Variants in TBC1D9B observed in about 807,000 individuals in gnomAD.
The protein encoded by TBC1D9B is TBC1 domain family member 9B.
TBC1D9B carries 87 observed loss-of-function variants against 121.1 expected under a neutral mutation model. The observed-to-expected ratio is 0.72, with a 90% CI of 0.60 to 0.86. The LOEUF (loss-of-function observed/expected upper bound fraction) is 0.86. Among genes scored for constraint, TBC1D9B ranks in the 40% least tolerant of loss-of-function variants. TBC1D9B has a pLI of 0.00. For synonymous variants in TBC1D9B, 668 were observed against 670.1 expected (o/e 1.00, Z 0.05); for missense variants, 1,540 against 1,628.6 (o/e 0.95, Z 0.94).
chr5:179,899,217 A>C lies in TBC1D9B; in HGVS notation c.320T>G (p.Ile107Ser), dbSNP rs1761102873. The C allele has an allele frequency of 6.2e-7, 1 of 1,613,354 alleles. No individual in the cohort carries two copies. The highest frequency in any genetic ancestry group is 2.2e-5 in the East Asian group (1 of 44,884). Residue 107 changes from isoleucine (I) to serine (S), a missense_variant, in exon 3 of 21, where the codon ATC becomes AGC. Coordinates refer to ENST00000355235, the MANE Select transcript of TBC1D9B (RefSeq NM_015043.4). ...TLSIFDSEED[I>S]TTFVKGKIHG... ...TATCTTGCCCTTGACGAAGGTGGTGATATCTTCCTCACTGTCGAAGATGGA... is the reference window on the plus strand; with the variant it reads ...TATCTTGCCCTTGACGAAGGTGGTGCTATCTTCCTCACTGTCGAAGATGGA...
Position 179,879,612 on chromosome 5 carries a change from G to A in TBC1D9B, c.1416+16C>T, listed in dbSNP as rs373062226. On this transcript the variant is annotated intron_variant, in intron 8 of 20. Transcript: ENST00000355235. ...CGCTCTTGACGGAGGCTGGAGTGCC[G>A]GCGCTCAGGGCTCACCCCCTTGGCT... is the stretch of plus-strand genomic sequence containing the variant. 72 of 1,613,550 alleles carry A rather than the reference G, an allele frequency of 4.5e-5. No individual in the cohort carries two copies. In the African/African-American group the frequency reaches 5.5e-4, roughly 12 times the overall value.
intron 2 of TBC1D9B, among the ~76,000 whole-genome samples, chr5:179,903,341 C>T (rs1001459473): frequency 7.9e-5 from 12 of 152,246 alleles, no homozygotes; most frequent in African/African-American, 2.9e-4. Flanking sequence ...TCAGCTAGGA[C>T]TGTCATTTTC....
In TBC1D9B at chr5:179,862,337, A is replaced by C; in HGVS notation, c.*1111T>G. ...CTAACACTGGACACTGGTCAGTTTC[A>C]GCTCCTCATGCAAAGTGAGGGTATC... On this transcript the variant is annotated 3_prime_UTR_variant, in exon 21 of 21. Coordinates refer to ENST00000355235, the MANE Select transcript of TBC1D9B (RefSeq NM_015043.4). 1 of 325,988 alleles carries C rather than the reference A, an allele frequency of 3.1e-6. No individual in the cohort carries two copies. 20.2% of individuals were successfully genotyped at this position (325,988 alleles called of 1,614,324 possible).
chr5:179,877,600 G>T (rs909583010), intron 10 of TBC1D9B, among the ~76,000 whole-genome samples: 1 of 149,224 alleles, frequency 6.7e-6, no homozygotes, highest in Non-Finnish European at 1.5e-5. Context: ...GGTGGTAGAG[G>T]TTGCAGTGAG....
Position 179,874,888 on chromosome 5 carries a change from AC to A in TBC1D9B, c.2186+13del. 2.5e-6 allele frequency: 4 copies of A among 1,610,754 alleles called. No individual in the cohort carries two copies. Among genetic ancestry groups the A allele is most frequent in the Non-Finnish European group, 3.4e-6 (4 of 1,178,850 alleles). On this transcript the variant is annotated intron_variant, in intron 12 of 20. Coordinates refer to ENST00000355235, the MANE Select transcript of TBC1D9B (RefSeq NM_015043.4). The surrounding 1 kb of genome is among the most constrained non-coding windows in gnomAD (Gnocchi z 4.3). ...CTGTGAGCCCCCAGCAGGAGAAGGAACCCGGCATGTCACCTGCCCAGCATGG... is the reference window on the plus strand; with the variant it reads ...CTGTGAGCCCCCAGCAGGAGAAGGAACCGGCATGTCACCTGCCCAGCATGG...
chr5:179,870,696 G>T, intron 15 of TBC1D9B: 1 of 806,104 alleles, frequency 1.2e-6, no homozygotes, highest in Non-Finnish European at 1.9e-6. Flanking sequence ...GGAGGGGGTT[G>T]GCTGAGAGAC....
intron 3 of TBC1D9B, among the ~76,000 whole-genome samples, 180 bp from the exon 4 acceptor site, chr5:179,894,794 T>C (rs1265091810): frequency 6.6e-6 from 1 of 152,196 alleles, no homozygotes; most frequent in Non-Finnish European, 1.5e-5. Context: ...TGAGAGACGC[T>C]GCCTGTGTGA....
intron 2 of TBC1D9B, among the ~76,000 whole-genome samples, chr5:179,901,803 A>G (rs80118381): frequency 0.021 from 3,245 of 152,348 alleles, 132 homozygotes; most frequent in African/African-American, 0.073. Flanking sequence ...TGCATTAAAA[A>G]TATTAGTTAA....
At chr5:179,865,000 T>C (rs1162313281) in intron 20 of TBC1D9B, among the ~76,000 whole-genome samples, 1 of 152,196 alleles carries the variant, frequency 6.6e-6, no homozygotes, top group Admixed American at 6.5e-5. Flanking sequence ...AAAGGTAGCC[T>C]ACAAGCCTCT....
intron 2 of TBC1D9B, among the ~76,000 whole-genome samples, chr5:179,901,690 G>T (rs972226060): frequency 1.3e-5 from 2 of 152,184 alleles, no homozygotes; most frequent in Non-Finnish European, 2.9e-5. Context: ...TGGGAGGATC[G>T]CTTTAGCCAG....
Position 179,879,198 on chromosome 5 carries a change from C to T in TBC1D9B, c.1417-1G>A. 6.3e-7 allele frequency: 1 copy of T among 1,599,430 alleles called. No individual in the cohort carries two copies. Among genetic ancestry groups the T allele is most frequent in the Non-Finnish European group, 8.5e-7 (1 of 1,178,642 alleles). ...ACTCCTCTTTCATCTTCTCCTTGGCCTGAGGGAAAAGCGCATCAGGGAGCC... is the reference window on the plus strand; with the variant it reads ...ACTCCTCTTTCATCTTCTCCTTGGCTTGAGGGAAAAGCGCATCAGGGAGCC... On this transcript the variant is annotated splice_acceptor_variant, in intron 8 of 20. Transcript: ENST00000355235. LOFTEE classifies it high-confidence loss of function.
chr5:179,865,631 T>C lies in TBC1D9B; in HGVS notation c.2914+207A>G. ...AGTCACAGGGCAGCTGGAGAGAAGC[T>C]GGCAAGAGAGGGCTGGCTGGGTGCC... On this transcript the variant is annotated intron_variant, in intron 19 of 20. Transcript: ENST00000355235. The surrounding 1 kb of genome is among the most constrained non-coding windows in gnomAD (Gnocchi z 5.1). 1.6e-6 allele frequency: 1 copy of C among 636,296 alleles called. No homozygotes were observed. The highest frequency in any genetic ancestry group is 2.0e-5 in the South Asian group (1 of 50,946). The allele number at this position is 636,296 out of a possible 1,614,324, so 39.4% of individuals were successfully genotyped here.
At chr5:179,880,230 G>A (rs761937047) in intron 7 of TBC1D9B, among the ~76,000 whole-genome samples, 10 of 152,178 alleles carry the variant, frequency 6.6e-5, no homozygotes, top group Non-Finnish European at 2.9e-5. Flanking sequence ...GGGCGACTGC[G>A]TCACCCGGTT....
intron 6 of TBC1D9B, among the ~76,000 whole-genome samples, chr5:179,889,317 C>T (rs546871948): frequency 2.5e-4 from 38 of 152,066 alleles, no homozygotes; most frequent in African/African-American, 8.9e-4. Context: ...CGTGAGCCAC[C>T]GCGCCCAGTC....
At position 179,873,122 on chromosome 5, in the gene TBC1D9B, A is replaced by G. The variant is rs1205581542; in HGVS notation, c.2313T>C (p.Tyr771=). The change falls in exon 13 of 21, where the codon TAT becomes TAC. Residue 771 remains tyrosine (Y), a synonymous_variant. Coordinates refer to ENST00000355235, the MANE Select transcript of TBC1D9B (RefSeq NM_015043.4). The stretch of plus-strand genomic sequence containing the variant: ...AATGGCCCCACTGGGTGCTGACCTC[A>G]TAGGACACTTTCAGGAGCTCAAAGA... ...VDIFELLKVS[Y]EKFSSLRAED... is the part of the protein sequence containing the mutation. 1 of 1,611,348 alleles carries G rather than the reference A, an allele frequency of 6.2e-7. No individual in the cohort carries two copies. Among genetic ancestry groups the G allele is most frequent in the Non-Finnish European group, 8.5e-7 (1 of 1,178,670 alleles).
At chr5:179,867,565 C>T (rs910221629) in intron 18 of TBC1D9B, 2 of 1,538,098 alleles carry the variant, frequency 1.3e-6, no homozygotes, top group Middle Eastern at 1.7e-4. Flanking sequence ...AAGACAGAGA[C>T]ACAAGAGAAA....
chr5:179,901,913 T>A (rs1761176079), intron 2 of TBC1D9B, among the ~76,000 whole-genome samples: 1 of 152,256 alleles, frequency 6.6e-6, no homozygotes, highest in African/African-American at 2.4e-5. Flanking sequence ...TATTAAATGC[T>A]GTTTCTGTTT....
Position 179,874,210 on chromosome 5 carries a change from C to T in TBC1D9B, c.2186+692G>A, listed in dbSNP as rs988151569. ...GCCAGGCTGGAGGCTCAGACAGTGC[C>T]TTTGTACAGAGGACCCAGGGAAGGG... On this transcript the variant is annotated intron_variant, in intron 12 of 20. Transcript: ENST00000355235. This position sits in a 1 kb window ranked among gnomAD's most constrained non-coding sequence, Gnocchi z 4.3. 3.9e-5 allele frequency among the ~76,000 whole-genome samples: 6 copies of T among 152,098 alleles called. No individual in the cohort carries two copies. The highest frequency in any genetic ancestry group is 9.7e-5 in the African/African-American group (4 of 41,398).
At position 179,902,930 on chromosome 5, in the gene TBC1D9B, AAGG is replaced by A. The variant is rs1015741850; in HGVS notation, c.229+1769_229+1771del. Among the ~76,000 whole-genome samples, 4 of 152,132 alleles carry A rather than the reference AAGG, an allele frequency of 2.6e-5. No homozygotes were observed. The highest frequency in any genetic ancestry group is 4.4e-5 in the Non-Finnish European group (3 of 68,012). ...TCTTACTGAGTTATTCAGTCCTGCAAAGGAGAAGGGCACTGCTGGTCAGGATGC... is the reference window on the plus strand; with the variant it reads ...TCTTACTGAGTTATTCAGTCCTGCAAAGAAGGGCACTGCTGGTCAGGATGC... On this transcript the variant is annotated intron_variant, in intron 2 of 20. Transcript: ENST00000355235. The surrounding 1 kb of genome is among the most constrained non-coding windows in gnomAD (Gnocchi z 4.9).
Sources: allele counts gnomAD v4.1 joint callset (sites outside exome capture counted in the v4.1 genomes callset), GRCh38; gene constraint gnomAD v4.1.1; non-coding constraint Gnocchi (gnomAD v3.1); transcripts MANE v1.5; gene names NCBI Gene and HGNC (gene_info 2026-07-23, HGNC 2026-07-21).